TAF1B: variants seen among roughly 807,000 people sequenced by gnomAD.
The protein encoded by TAF1B is TATA-box binding protein associated factor, RNA polymerase I subunit B.
TAF1B carries 61 observed loss-of-function variants against 83.9 expected under a neutral mutation model. The ratio of observed to expected loss-of-function variants is 0.73; its 90% CI spans 0.59 to 0.90. TAF1B has a LOEUF of 0.90. TAF1B is among the 40% of genes least tolerant of loss of function. The pLI, the probability that TAF1B is intolerant of heterozygous loss-of-function variation, is 0.00. For missense variants in TAF1B, 625 were observed against 677.0 expected (o/e 0.92, Z 0.85); for synonymous variants, 221 against 224.6 (o/e 0.98, Z 0.14).
At chr2:9,917,598 G>A (rs74536810) in intron 12 of TAF1B, among the ~76,000 whole-genome samples, 6,687 of 152,292 alleles carry the variant, frequency 0.044, 192 homozygotes, top group Non-Finnish European at 0.067. Flanking sequence ...TAGAGGATAA[G>A]TTTAGAGATG....
chr2:9,845,404 T>A, intron 2 of TAF1B, 86 bp downstream of exon 2: 1 of 1,138,570 alleles, frequency 8.8e-7, no homozygotes, highest in Non-Finnish European at 1.3e-6. Context: ...CCCAAAGAAT[T>A]GGGTTGATTT....
chr2:9,869,361 A>C (rs946188018), intron 6 of TAF1B, among the ~76,000 whole-genome samples: 1 of 151,808 alleles, frequency 6.6e-6, no homozygotes, highest in Non-Finnish European at 1.5e-5. Context: ...AGTAGCTGGG[A>C]TTACAAGCAT....
At chr2:9,868,988 T>C (rs577199134) in intron 6 of TAF1B, among the ~76,000 whole-genome samples, 13 of 152,332 alleles carry the variant, frequency 8.5e-5, no homozygotes, top group African/African-American at 2.6e-4. Flanking sequence ...GTGACACAGA[T>C]ATCAAATAAG....
intron 5 of TAF1B, among the ~76,000 whole-genome samples, chr2:9,861,032 A>G (rs923488583): frequency 2.0e-5 from 3 of 152,196 alleles, no homozygotes; most frequent in Admixed American, 2.0e-4. Context: ...AGCGCAGAAG[A>G]CGGGTGATTT....
intron 8 of TAF1B, among the ~76,000 whole-genome samples, chr2:9,893,851 G>A (rs1054456920): frequency 3.3e-5 from 5 of 152,216 alleles, no homozygotes. Flanking sequence ...AAGTATACTA[G>A]TAGATACAAC....
intron 8 of TAF1B, 51 bp downstream of exon 8, chr2:9,882,856 G>A: frequency 5.4e-6 from 7 of 1,298,740 alleles, no homozygotes; most frequent in Non-Finnish European, 7.5e-6. Context: ...CACAAGAGTG[G>A]TATGATAATT....
chr2:9,865,170 T>C (rs1478259284), intron 5 of TAF1B, among the ~76,000 whole-genome samples: 4 of 152,184 alleles, frequency 2.6e-5, no homozygotes, highest in Non-Finnish European at 5.9e-5. Context: ...GCAGATGACA[T>C]GATTATATGT....
intron 3 of TAF1B, among the ~76,000 whole-genome samples, chr2:9,850,014 A>AATAT (rs56180231): frequency 7.4e-4 from 79 of 106,142 alleles, no homozygotes; most frequent in African/African-American, 2.3e-3. Flanking sequence ...CACATTAAAA[A>AATAT]ATATATATAT....
At chr2:9,869,508 C>A (rs548463944) in intron 6 of TAF1B, among the ~76,000 whole-genome samples, 27 of 151,662 alleles carry the variant, frequency 1.8e-4, no homozygotes, top group African/African-American at 6.3e-4. Flanking sequence ...CAGGTGTGAA[C>A]CACCGTGCCC....
intron 8 of TAF1B, among the ~76,000 whole-genome samples, chr2:9,898,790 A>G (rs1050760353): frequency 6.6e-6 from 1 of 152,192 alleles, no homozygotes; most frequent in Non-Finnish European, 1.5e-5. Flanking sequence ...AAAAGTAGAT[A>G]TTAGCAAGTG....
intron 9 of TAF1B, among the ~76,000 whole-genome samples, chr2:9,908,230 A>G (rs1238236874): frequency 6.6e-6 from 1 of 151,502 alleles, no homozygotes; most frequent in Non-Finnish European, 1.5e-5. Context: ...TATCTTTAGT[A>G]GAGATGGGGT....
intron 1 of TAF1B, 44 bp downstream of exon 1, chr2:9,843,603 G>A (rs749662014): frequency 6.8e-7 from 1 of 1,475,712 alleles, no homozygotes; most frequent in South Asian, 1.3e-5. Flanking sequence ...GCCGGGGCCG[G>A]AGGAGAGAGA....
chr2:9,850,424 C>T (rs1022535748), intron 3 of TAF1B, among the ~76,000 whole-genome samples: 1 of 152,104 alleles, frequency 6.6e-6, no homozygotes, highest in African/African-American at 2.4e-5. Context: ...TTTCTAAGAA[C>T]AGTATGCAGG....
intron 12 of TAF1B, among the ~76,000 whole-genome samples, chr2:9,915,747 C>T (rs1383076745): frequency 6.6e-6 from 1 of 152,122 alleles, no homozygotes. Flanking sequence ...TAGATATTTA[C>T]CCTAATGAAA....
rs1663757342 is a variant in TAF1B at position 9,861,489 on chromosome 2, C to T, written c.400-6787C>T. Among the ~76,000 whole-genome samples, 4 of 152,376 alleles carry T rather than the reference C, an allele frequency of 2.6e-5. No individual in the cohort carries two copies. The South Asian group carries it at 8.3e-4, about 32-fold the overall frequency. On this transcript the variant is annotated intron_variant, in intron 5 of 14. Transcript: ENST00000263663. Reference sequence around the variant, plus strand: ...GGAACCCACCACAGCTCAAGGAGGCCTGCCTGCCTCTGTAGGCTCCACCTC... The same window carrying T: ...GGAACCCACCACAGCTCAAGGAGGCTTGCCTGCCTCTGTAGGCTCCACCTC...
At chr2:9,907,837 C>T (rs1365065636) in intron 9 of TAF1B, among the ~76,000 whole-genome samples, 1 of 152,012 alleles carries the variant, frequency 6.6e-6, no homozygotes, top group Non-Finnish European at 1.5e-5. Context: ...AGTTCAGGGA[C>T]ACTCAGCTGG....
chr2:9,855,312 T>C (rs539871680), intron 5 of TAF1B, among the ~76,000 whole-genome samples: 193 of 152,312 alleles, frequency 1.3e-3, no homozygotes, highest in Non-Finnish European at 2.6e-3. Flanking sequence ...TAATTTTTGA[T>C]GTGTGGTACA....
chr2:9,865,849 T>G (rs1663954522), intron 5 of TAF1B, among the ~76,000 whole-genome samples: 2 of 150,690 alleles, frequency 1.3e-5, no homozygotes, highest in Non-Finnish European at 3.0e-5. Flanking sequence ...GATTCCCTAT[T>G]TAATAAATGG....
chr2:9,845,216 A>G lies in TAF1B; in HGVS notation c.19-4A>G, dbSNP rs1051622873. On this transcript the variant is annotated splice_polypyrimidine_tract_variant and splice_region_variant and intron_variant, in intron 1 of 14. Transcript: ENST00000263663. ...AACACCTTTTCTGTCCTCTTCTCCCATAGGAAGAGTTTAAAGAACGCTGTA... is the reference window on the plus strand; with the variant it reads ...AACACCTTTTCTGTCCTCTTCTCCCGTAGGAAGAGTTTAAAGAACGCTGTA... The G allele has an allele frequency of 1.9e-6, 3 of 1,608,500 alleles. No homozygotes were observed. The highest frequency in any genetic ancestry group is 1.7e-4 in the Middle Eastern group (1 of 6,044).
Sources: gnomAD v4.1 joint callset for allele counts (sites outside exome capture counted in the v4.1 genomes callset) on GRCh38, gnomAD v4.1.1 for gene constraint, MANE v1.5 for transcripts, NCBI Gene and HGNC (gene_info 2026-07-23, HGNC 2026-07-21) for gene names.